The following RNF135 variants were observed in gnomAD, a reference collection of about 807,000 sequenced individuals.
RNF135 encodes the protein E3 ubiquitin-protein ligase RNF135.
RNF135 carries 46 observed loss-of-function variants against 41.9 expected under a neutral mutation model. That is an observed-to-expected ratio of 1.10 (90% CI 0.87 to 1.40). The LOEUF is 1.40. Among genes scored for constraint, RNF135 ranks in the 40% most tolerant of loss-of-function variants. The probability of loss-of-function intolerance (pLI) is 0.00; values close to 1 mark genes in which losing one functional copy is unlikely to be tolerated. For synonymous variants in RNF135, 238 were observed against 223.8 expected, an observed-to-expected ratio of 1.06 and a Z score of -0.57; for missense variants, 539 against 549.8, an observed-to-expected ratio of 0.98 and a Z score of 0.20.
In RNF135 at chr17:30,997,515, G is replaced by A. The variant is rs1027349281; in HGVS notation, c.769+184G>A. 4.5e-6 allele frequency: 3 copies of A among 666,232 alleles called. No homozygotes were observed. In the African/African-American group the frequency reaches 5.4e-5, roughly 12 times the overall value. The allele number at this position is 666,232 out of a possible 1,614,324, so 41.3% of individuals were successfully genotyped here. A position where few individuals can be genotyped will look rare whatever the true frequency, so the allele number is the denominator to read the frequency against. On this transcript the variant is annotated intron_variant, in intron 4 of 4. Coordinates refer to ENST00000328381, the MANE Select transcript of RNF135 (RefSeq NM_032322.4). ...AAGCAGGTTGAGACTCTAGACCCAA[G>A]AGCACTCAGAGTCCCGCCAACCTTT... is the stretch of plus-strand genomic sequence containing the variant.
chr17:30,978,423 T>A (rs1203904661), intron 1 of RNF135, among the ~76,000 whole-genome samples: 1 of 152,202 alleles, frequency 6.6e-6, no homozygotes, highest in African/African-American at 2.4e-5. Context: ...TCATTCTCTT[T>A]TTTCTTTTGT....
intron 2 of RNF135, among the ~76,000 whole-genome samples, chr17:30,987,740 C>T (rs1005612566): frequency 4.1e-5 from 6 of 146,892 alleles, no homozygotes; most frequent in African/African-American, 1.7e-4. Flanking sequence ...GAAATAACCA[C>T]TCTTTGATAT....
chr17:30,971,711 T>A, intron 1 of RNF135: 2 of 1,317,056 alleles, frequency 1.5e-6, no homozygotes, highest in East Asian at 6.6e-5. Flanking sequence ...TCCCAATCGA[T>A]CTTCGGTCTC....
chr17:30,983,347 ATATATATTTTTTTTTT>A (rs1907337961), intron 1 of RNF135, among the ~76,000 whole-genome samples: 1 of 36,864 alleles, frequency 2.7e-5, no homozygotes, highest in Admixed American at 3.5e-4. Context: ...ATATATATAT[ATATATATTTTTTTTTT>A]TTTTTTTTGA....
the RNF135 span, among the ~76,000 whole-genome samples, chr17:30,964,562 C>G: frequency 7.2e-5 from 11 of 152,094 alleles, no homozygotes; most frequent in East Asian, 1.7e-3. Context: ...CAAGATTGCG[C>G]CAGTGCACTC....
intron 1 of RNF135, among the ~76,000 whole-genome samples, chr17:30,980,493 CG>C (rs1381687769): frequency 8.7e-6 from 1 of 115,280 alleles, no homozygotes; most frequent in Non-Finnish European, 1.8e-5. Context: ...GCTGGCCGGG[CG>C]GGGGGCTGAC....
At chr17:30,987,341 C>T (rs577599311) in intron 2 of RNF135, among the ~76,000 whole-genome samples, 1 of 151,852 alleles carries the variant, frequency 6.6e-6, no homozygotes, top group African/African-American at 2.4e-5. Flanking sequence ...AAGTGATTGT[C>T]CTGCCTCAGC....
At chr17:30,992,673 C>T (rs527656524) in intron 3 of RNF135, among the ~76,000 whole-genome samples, 12 of 152,080 alleles carry the variant, frequency 7.9e-5, no homozygotes, top group African/African-American at 2.9e-4. Flanking sequence ...TGCTATGTTT[C>T]CTAGGCTGGC....
the RNF135 span, among the ~76,000 whole-genome samples, chr17:30,964,157 G>A: frequency 6.6e-6 from 1 of 152,002 alleles, no homozygotes. Flanking sequence ...GGAGGCTGAG[G>A]CAGGCGGATC....
At chr17:30,998,625 C>A in intron 4 of RNF135, 37 bp from the exon 5 acceptor site, 1 of 1,602,900 alleles carries the variant, frequency 6.2e-7, no homozygotes, top group Middle Eastern at 1.7e-4. Flanking sequence ...AAAAGATGAC[C>A]GGCCATGTTC....
At chr17:30,966,751 C>T (rs780750103), upstream of RNF135, among the ~76,000 whole-genome samples, 9 of 151,814 alleles carry the variant, frequency 5.9e-5, no homozygotes, top group African/African-American at 1.2e-4. Flanking sequence ...GTGATCCACA[C>T]GCCTCGGCCT....
At chr17:30,985,809 G>A (rs947475319) in intron 2 of RNF135, among the ~76,000 whole-genome samples, 1 of 152,116 alleles carries the variant, frequency 6.6e-6, no homozygotes, top group Non-Finnish European at 1.5e-5. Flanking sequence ...AGCCCTGTAG[G>A]ATCCCATCTC....
intron 2 of RNF135, among the ~76,000 whole-genome samples, chr17:30,985,528 T>C (rs182244153): frequency 6.6e-6 from 1 of 152,332 alleles, no homozygotes; most frequent in East Asian, 1.9e-4. Flanking sequence ...ATATTGTAGC[T>C]TTAAGACCTG....
intron 3 of RNF135, among the ~76,000 whole-genome samples, chr17:30,988,516 C>G (rs1223565465): frequency 6.8e-6 from 1 of 146,404 alleles, no homozygotes; most frequent in Non-Finnish European, 1.5e-5. Flanking sequence ...CAAGCTCTGC[C>G]TCCTGGGTTC....
chr17:30,985,131 C>A (rs1907496098), intron 2 of RNF135, among the ~76,000 whole-genome samples: 1 of 152,168 alleles, frequency 6.6e-6, no homozygotes, highest in Non-Finnish European at 1.5e-5. Flanking sequence ...TTTTGGCTTT[C>A]CCCCACCTCT....
At chr17:30,968,346 C>G (rs999009870), upstream of RNF135, among the ~76,000 whole-genome samples, 5 of 150,840 alleles carry the variant, frequency 3.3e-5, no homozygotes, top group African/African-American at 1.2e-4. Context: ...ATTTTTACTA[C>G]CAGAGCTGAC....
At chr17:30,979,477 G>A (rs1283061387) in intron 1 of RNF135, among the ~76,000 whole-genome samples, 1 of 112,716 alleles carries the variant, frequency 8.9e-6, no homozygotes, top group Non-Finnish European at 1.9e-5. Context: ...CGGGGCGGCC[G>A]GCCGGAAGGG....
chr17:30,998,021 G>T (rs771055462), intron 4 of RNF135, among the ~76,000 whole-genome samples: 4 of 152,196 alleles, frequency 2.6e-5, no homozygotes, highest in Admixed American at 6.5e-5. Flanking sequence ...AACAGCTGTG[G>T]TCATAAATCA....
At chr17:30,979,432 G>C (rs1228250152) in intron 1 of RNF135, among the ~76,000 whole-genome samples, 1 of 112,176 alleles carries the variant, frequency 8.9e-6, no homozygotes, top group Non-Finnish European at 1.9e-5. Flanking sequence ...TTCCCAGTAG[G>C]GGCGGCCGGG....
Sources: gnomAD v4.1 joint callset for allele counts (sites outside exome capture counted in the v4.1 genomes callset) on GRCh38, gnomAD v4.1.1 for gene constraint, MANE v1.5 for transcripts, NCBI Gene and HGNC (gene_info 2026-07-23, HGNC 2026-07-21) for gene names.